PPARG: variants seen among roughly 807,000 people sequenced by gnomAD.
The protein encoded by PPARG is peroxisome proliferator-activated receptor gamma.
Under a neutral mutation model 39.2 loss-of-function variants are expected in PPARG, and 17 were observed. The ratio of observed to expected loss-of-function variants is 0.43; its 90% CI spans 0.30 to 0.65. The LOEUF (loss-of-function observed/expected upper bound fraction) is 0.65, where lower values mean the gene tolerates loss of function less well. PPARG is among the 30% of genes least tolerant of loss of function. The pLI is 0.13. For missense variants in PPARG, 406 were observed against 585.9 expected (o/e 0.69, Z 3.17); for synonymous variants, 223 against 215.7 (o/e 1.03, Z -0.30).
intron 5 of PPARG, among the ~76,000 whole-genome samples, chr3:12,396,592 A>G (rs114496613): frequency 0.013 from 1,939 of 152,134 alleles, 49 homozygotes; most frequent in African/African-American, 0.044. Context: ...CTCCATATCT[A>G]CTAAAACTAC....
chr3:12,342,457 A>G (rs1451831602), intron 2 of PPARG, among the ~76,000 whole-genome samples: 2 of 152,212 alleles, frequency 1.3e-5, no homozygotes, highest in East Asian at 3.8e-4. Flanking sequence ...AGCTGGGGAA[A>G]TGTGACTATG....
intron 1 of PPARG, among the ~76,000 whole-genome samples, chr3:12,289,823 T>C (rs1309091512): frequency 7.2e-5 from 11 of 152,190 alleles, no homozygotes; most frequent in Admixed American, 7.2e-4. Context: ...AGTTAGCATT[T>C]GGAGTAATAT....
chr3:12,409,964 C>T (rs1304770580), intron 6 of PPARG, among the ~76,000 whole-genome samples: 1 of 152,184 alleles, frequency 6.6e-6, no homozygotes, highest in African/African-American at 2.4e-5. Flanking sequence ...TTAAATTCCC[C>T]TGCTCCCCTT....
At chr3:12,416,475 G>A (rs1023220773) in intron 6 of PPARG, among the ~76,000 whole-genome samples, 9 of 152,214 alleles carry the variant, frequency 5.9e-5, no homozygotes, top group African/African-American at 2.2e-4. Flanking sequence ...GTGTTACAGT[G>A]TAAATTGAAG....
intron 4 of PPARG, among the ~76,000 whole-genome samples, chr3:12,384,933 A>G (rs1386636690): frequency 6.6e-6 from 1 of 152,158 alleles, no homozygotes; most frequent in African/African-American, 2.4e-5. Flanking sequence ...ATAATTTTAA[A>G]AAGAGTAAAG....
At chr3:12,363,764 C>G (rs2048927866) in intron 2 of PPARG, among the ~76,000 whole-genome samples, 1 of 152,176 alleles carries the variant, frequency 6.6e-6, no homozygotes, top group African/African-American at 2.4e-5. Context: ...TCTCCTCTCC[C>G]CTATTTTCAT....
intron 1 of PPARG, 91 bp from the exon 2 acceptor site, chr3:12,312,289 A>G (rs1248865620): frequency 1.3e-5 from 2 of 152,236 alleles, no homozygotes; most frequent in African/African-American, 4.8e-5. Context: ...TTATTTGGGC[A>G]TGTACATTTT....
Position 12,392,681 on chromosome 3 carries a change from A to G in PPARG, c.458A>G (p.His153Arg). ...YDRCDLNCRIHKKSRNKCQYC... is the reference protein window; with the variant it reads ...YDRCDLNCRIRKKSRNKCQYC... ...AGATGTGATCTTAACTGTCGGATCC[A>G]CAAAAAAAGTAGAAATAAATGTCAG... The change falls in exon 5 of 8, where the codon CAC becomes CGC. Residue 153 changes from histidine to arginine, a missense_variant. Physicochemically the swap from His to Arg is conservative, Grantham distance 29. Transcript: ENST00000651735. The G allele has an allele frequency of 6.2e-7, 1 of 1,613,940 alleles. No homozygotes were observed. Among genetic ancestry groups the G allele is most frequent in the Non-Finnish European group, 8.5e-7 (1 of 1,179,860 alleles).
At chr3:12,294,464 G>A (rs1197766139) in intron 1 of PPARG, among the ~76,000 whole-genome samples, 2 of 152,164 alleles carry the variant, frequency 1.3e-5, no homozygotes, top group East Asian at 3.8e-4. Flanking sequence ...GTCTCTTCAT[G>A]AGTCAACTCT....
At chr3:12,361,144 T>A (rs1203624841) in intron 2 of PPARG, among the ~76,000 whole-genome samples, 1 of 152,216 alleles carries the variant, frequency 6.6e-6, no homozygotes, top group Non-Finnish European at 1.5e-5. Flanking sequence ...TCTCCCCTTT[T>A]CTGATGTCTA....
At chr3:12,358,356 C>T (rs1454873044) in intron 2 of PPARG, among the ~76,000 whole-genome samples, 1 of 152,080 alleles carries the variant, frequency 6.6e-6, no homozygotes, top group Non-Finnish European at 1.5e-5. Flanking sequence ...TATTAATTGC[C>T]TGATATGTAA....
intron 1 of PPARG, among the ~76,000 whole-genome samples, chr3:12,296,144 C>T (rs748714540): frequency 1.4e-5 from 2 of 146,748 alleles, no homozygotes; most frequent in African/African-American, 2.5e-5. Flanking sequence ...CCCAGCTACT[C>T]GGGTGACTGA....
rs869086237 is a variant in PPARG at position 12,417,902 on chromosome 3, C to CTTTTTTTTTTTTTTT, written c.1180+757_1180+771dup. Among the ~76,000 whole-genome samples, 58 of 65,906 alleles carry CTTTTTTTTTTTTTTT rather than the reference C, an allele frequency of 8.8e-4. 1 individual carries two copies. The highest frequency in any genetic ancestry group is 1.4e-3 in the African/African-American group (24 of 16,964). The allele number at this position is 65,906 out of a possible 152,430, so 43.2% of individuals were successfully genotyped here. On this transcript the variant is annotated intron_variant, in intron 7 of 7. Transcript: ENST00000651735. ...CTTTTTTTTTTCTTTTTTTTTTTTC[C>CTTTTTTTTTTTTTTT]TTTTTTTTTTTTTTTTTTTTTTTGT...
chr3:12,334,479 C>T (rs2047953557), intron 2 of PPARG, among the ~76,000 whole-genome samples: 1 of 152,072 alleles, frequency 6.6e-6, no homozygotes, highest in African/African-American at 2.4e-5. Context: ...GGTCCACCCT[C>T]CTCGGCCTCC....
At position 12,327,545 on chromosome 3, in the gene PPARG, C is replaced by T. The variant is rs558644094; in HGVS notation, c.-9+15092C>T. On this transcript the variant is annotated intron_variant, in intron 2 of 7. Coordinates refer to ENST00000651735, the MANE Select transcript of PPARG (RefSeq NM_138711.6). Reference sequence around the variant, plus strand: ...AGGTTTTTTGAAGAGAATGAGAAGCCCAAACCAAAAGATAATGAAGACCAC... The same window carrying T: ...AGGTTTTTTGAAGAGAATGAGAAGCTCAAACCAAAAGATAATGAAGACCAC... 4.6e-5 allele frequency among the ~76,000 whole-genome samples: 7 copies of T among 151,986 alleles called. No homozygotes were observed. The South Asian group carries it at 1.5e-3, about 32-fold the overall frequency.
At chr3:12,420,935 T>TA (rs2051239299) in intron 7 of PPARG, among the ~76,000 whole-genome samples, 2 of 152,198 alleles carry the variant, frequency 1.3e-5, no homozygotes, top group South Asian at 4.1e-4. Flanking sequence ...GGGCAAGAAT[T>TA]AGACTAAATG....
chr3:12,316,687 T>G (rs891237102), intron 2 of PPARG, among the ~76,000 whole-genome samples: 1 of 151,874 alleles, frequency 6.6e-6, no homozygotes, highest in Non-Finnish European at 1.5e-5. Flanking sequence ...CTAAGGGGAA[T>G]CTCTGCTTAG....
chr3:12,319,674 CTTT>C (rs879608353), intron 2 of PPARG, among the ~76,000 whole-genome samples: 1 of 143,222 alleles, frequency 7.0e-6, no homozygotes. Flanking sequence ...TCAATTTTTA[CTTT>C]TTTTTTTTTT....
At chr3:12,363,577 G>A (rs1559508513) in intron 2 of PPARG, among the ~76,000 whole-genome samples, 1 of 152,182 alleles carries the variant, frequency 6.6e-6, no homozygotes, top group Non-Finnish European at 1.5e-5. Flanking sequence ...ACCTTCAGTG[G>A]TAAAGTATGA....
Sources: allele counts gnomAD v4.1 joint callset (sites outside exome capture counted in the v4.1 genomes callset), GRCh38; gene constraint gnomAD v4.1.1; transcripts MANE v1.5; gene names NCBI Gene and HGNC (gene_info 2026-07-23, HGNC 2026-07-21).